Variants in KDM6B observed in about 807,000 individuals in gnomAD.
The protein encoded by KDM6B is lysine-specific demethylase 6B.
KDM6B carries 22 observed loss-of-function variants against 150.4 expected under a neutral mutation model. The observed-to-expected ratio is 0.15, with a 90% confidence interval of 0.10 to 0.21. KDM6B has a LOEUF of 0.21. Among genes scored for constraint, KDM6B ranks in the 10% least tolerant of loss-of-function variants. The pLI is 1.00. For synonymous variants in KDM6B, 1,148 were observed against 921.1 expected, an observed-to-expected ratio of 1.25 and a Z score of -4.46; for missense variants, 1,984 against 2,234.3, an observed-to-expected ratio of 0.89 and a Z score of 2.26.
Position 7,834,318 on chromosome 17 carries a change from A to C in KDM6B, c.-420A>C, listed in dbSNP as rs2078286529. On this transcript the variant is annotated 5_prime_UTR_variant, in exon 1 of 24. Coordinates refer to ENST00000448097, the MANE Select transcript of KDM6B (RefSeq NM_001348716.2). ...CTCGACCCCCTGGGATACCTTGGGG[A>C]GCCTGAACACCTGGGACCCCCCCCA... Among the ~76,000 whole-genome samples, 1 of 151,516 alleles carries C rather than the reference A, an allele frequency of 6.6e-6. No individual in the cohort carries two copies. The highest frequency in any genetic ancestry group is 1.5e-5 in the Non-Finnish European group (1 of 67,834).
chr17:7,851,031 C>T lies in KDM6B; in HGVS notation c.3684C>T (p.Leu1228=), dbSNP rs2078682920. ...GGCCCTCCCTTCCAGACTTGGGCCT[C>T]TTCTCCACCAAGACCCTGGTGGAAG... is the stretch of plus-strand genomic sequence containing the variant. ...LAGSLRLNLG[L]FSTKTLVEAS... Residue 1228 remains leucine (L), a synonymous_variant, in exon 15 of 24, where the codon CTC becomes CTT. Coordinates refer to ENST00000448097, the MANE Select transcript of KDM6B (RefSeq NM_001348716.2). 1 of 1,607,450 alleles carries T rather than the reference C, an allele frequency of 6.2e-7. No individual in the cohort carries two copies.
At chr17:7,847,503 G>A in intron 11 of KDM6B, 43 bp from the exon 12 acceptor site, 1 of 1,613,270 alleles carries the variant, frequency 6.2e-7, no homozygotes, top group East Asian at 2.2e-5. Flanking sequence ...TTGTCTTGAG[G>A]CAGCCCGAGC....
At chr17:7,851,267 G>A (rs1317920190) in intron 15 of KDM6B, 41 bp downstream of exon 15, 4 of 1,613,172 alleles carry the variant, frequency 2.5e-6, no homozygotes, top group South Asian at 1.1e-5. Flanking sequence ...CTGGGACGGG[G>A]CTGCGGTGGG....
intron 1 of KDM6B, among the ~76,000 whole-genome samples, chr17:7,839,363 G>C (rs770379077): frequency 1.8e-4 from 27 of 152,100 alleles, no homozygotes; most frequent in Non-Finnish European, 3.4e-4. Context: ...CAGAGTTCTT[G>C]CAGGGGAGGA....
chr17:7,835,749 C>T (rs539145822), intron 1 of KDM6B, among the ~76,000 whole-genome samples: 1,782 of 151,926 alleles, frequency 0.012, 21 homozygotes, highest in Non-Finnish European at 0.019. Flanking sequence ...TCGCGCCCAC[C>T]CCCCGCCCTG....
In KDM6B at chr17:7,851,992, A is replaced by G; in HGVS notation, c.4207A>G (p.Ile1403Val). 1 of 1,613,990 alleles carries G rather than the reference A, an allele frequency of 6.2e-7. No homozygotes were observed. The highest frequency in any genetic ancestry group is 8.5e-7 in the Non-Finnish European group (1 of 1,180,014). ...NNNFCSVNIN[I>V]GPGDCEWFAV... is the part of the protein sequence containing the mutation. ...CAACTTCTGCTCCGTCAACATCAAC[A>G]TTGGCCCAGGCGACTGCGAGTGGTT... is the stretch of plus-strand genomic sequence containing the variant. Residue 1403 changes from isoleucine (I) to valine (V), a missense_variant, in exon 19 of 24, where the codon ATT becomes GTT. This residue lies in a region of KDM6B where 31 missense variants were observed against 120.3 expected (regional missense o/e 0.26). Coordinates refer to ENST00000448097, the MANE Select transcript of KDM6B (RefSeq NM_001348716.2).
chr17:7,850,909 A>T (rs761385193), intron 14 of KDM6B, 112 bp from the exon 15 acceptor site: 41 of 983,338 alleles, frequency 4.2e-5, no homozygotes, highest in Non-Finnish European at 6.4e-5. Context: ...GCTCTGCTAA[A>T]CCTATGACCA....
chr17:7,846,349 C>G, intron 7 of KDM6B, 51 bp from the exon 8 acceptor site: 2 of 1,571,968 alleles, frequency 1.3e-6, no homozygotes, highest in Non-Finnish European at 1.7e-6. Flanking sequence ...TGCCTTCTGG[C>G]TCAGTGCCCC....
chr17:7,847,904 A>T lies in KDM6B; in HGVS notation c.1616A>T (p.Asp539Val), dbSNP rs752236028. Residue 539 changes from aspartate to valine, a missense_variant, in exon 12 of 24, where the codon GAT becomes GTT. Transcript: ENST00000448097. The part of the protein sequence containing the change: ...PASRFSVGTQ[D>V]SHTPPTPPTP... ...TCCCGCTTTTCTGTGGGCACTCAGG[A>T]TTCTCACACCCCTCCCACTCCCCCA... The T allele has an allele frequency of 7.0e-7, 1 of 1,438,266 alleles. No homozygotes were observed. Among genetic ancestry groups the T allele is most frequent in the African/African-American group, 1.6e-5 (1 of 62,746 alleles). 89.1% of individuals were successfully genotyped at this position (1,438,266 alleles called of 1,614,324 possible).
chr17:7,846,377 G>GGCCCCCCCCCCCCCCCC, intron 7 of KDM6B, 23 bp from the exon 8 acceptor site: 1 of 1,479,472 alleles, frequency 6.8e-7, no homozygotes, highest in Non-Finnish European at 9.1e-7. Flanking sequence ...ATCTGCCCCT[G>GGCCCCCCCCCCCCCCCC]CCCCGTGTCC....
At chr17:7,842,516 C>T (rs1158866039) in intron 2 of KDM6B, among the ~76,000 whole-genome samples, 1 of 152,288 alleles carries the variant, frequency 6.6e-6, no homozygotes, top group South Asian at 2.1e-4. Flanking sequence ...GTTCCCTTCC[C>T]TTGGTTAGTA....
At chr17:7,842,873 G>A (rs1473054025) in intron 2 of KDM6B, among the ~76,000 whole-genome samples, 2 of 152,130 alleles carry the variant, frequency 1.3e-5, no homozygotes, top group African/African-American at 4.8e-5. Flanking sequence ...ACGGGGGGCG[G>A]GGGGGCGAGT....
chr17:7,838,635 C>T (rs978843255), intron 1 of KDM6B, among the ~76,000 whole-genome samples: 4 of 138,350 alleles, frequency 2.9e-5, no homozygotes, highest in Non-Finnish European at 6.3e-5. Context: ...CCCCTCACTC[C>T]TCCTCTTGGT....
chr17:7,845,324 G>C lies in KDM6B; in HGVS notation c.-138G>C. 1 of 627,472 alleles carries C rather than the reference G, an allele frequency of 1.6e-6. No homozygotes were observed. The highest frequency in any genetic ancestry group is 1.8e-5 in the South Asian group (1 of 54,802). The allele number at this position is 627,472 out of a possible 1,614,324, so 38.9% of individuals were successfully genotyped here. On this transcript the variant is annotated 5_prime_UTR_variant, in exon 4 of 24. Transcript: ENST00000448097. Reference sequence around the variant, plus strand: ...TTTCCTTCTCTCTAGAATTGGCTGTGAAAGGACTGAGGCAGCCATCTGGGG... The same window carrying C: ...TTTCCTTCTCTCTAGAATTGGCTGTCAAAGGACTGAGGCAGCCATCTGGGG...
In KDM6B at chr17:7,853,291, C is replaced by G; in HGVS notation, c.4819C>G (p.Arg1607Gly). The G allele has an allele frequency of 6.2e-7, 1 of 1,605,408 alleles. No homozygotes were observed. The highest frequency in any genetic ancestry group is 8.5e-7 in the Non-Finnish European group (1 of 1,176,680). ...TYLVHCEGCA[R>G]RRSAGLQGVV... ...CCTGGTACACTGCGAGGGCTGTGCC[C>G]GGCGCCGCAGCGCAGGCCTGCAGGG... Residue 1607 changes from arginine to glycine, a missense_variant, in exon 23 of 24, where the codon CGG becomes GGG. Around this residue, in one of 13 missense-constraint regions of KDM6B, gnomAD observed 58 missense variants for 76.4 expected, o/e 0.76. Transcript: ENST00000448097.
chr17:7,835,863 C>A (rs919214340), intron 1 of KDM6B, among the ~76,000 whole-genome samples: 1 of 152,098 alleles, frequency 6.6e-6, no homozygotes, highest in Admixed American at 6.5e-5. Flanking sequence ...GCTCTTCAGC[C>A]CCTGGGGACC....
At chr17:7,850,046 C>T in intron 13 of KDM6B, 26 bp from the exon 14 acceptor site, 1 of 1,613,226 alleles carries the variant, frequency 6.2e-7, no homozygotes, top group African/African-American at 1.3e-5. Context: ...AGGGCTCTGA[C>T]CCCAGCTCTC....
intron 21 of KDM6B, 128 bp downstream of exon 21, chr17:7,852,764 T>C (rs1192443175): frequency 2.9e-6 from 4 of 1,401,778 alleles, no homozygotes; most frequent in East Asian, 4.6e-5. Context: ...TGTTACTGTG[T>C]TGGGGAGGCT....
chr17:7,837,295 G>A (rs1010169407), intron 1 of KDM6B, among the ~76,000 whole-genome samples: 1 of 151,996 alleles, frequency 6.6e-6, no homozygotes, highest in Admixed American at 6.6e-5. Context: ...TATGGGGGGG[G>A]GTTCACTACA....
Sources: allele counts gnomAD v4.1 joint callset (sites outside exome capture counted in the v4.1 genomes callset), GRCh38; gene constraint gnomAD v4.1.1; regional missense constraint gnomAD v4.1.1; transcripts MANE v1.5; gene names NCBI Gene and HGNC (gene_info 2026-07-23, HGNC 2026-07-21).